UTRN: variants seen among roughly 807,000 people sequenced by gnomAD.
UTRN encodes the protein utrophin, also known as dystrophin-related protein 1.
A neutral mutation model predicts 463.9 loss-of-function variants in UTRN; 283 were observed. The observed-to-expected ratio is 0.61, with a 90% CI of 0.55 to 0.67. The LOEUF (loss-of-function observed/expected upper bound fraction) is 0.67, where lower values mean the gene tolerates loss of function less well. Among genes scored for constraint, UTRN ranks in the 30% least tolerant of loss-of-function variants. The probability of loss-of-function intolerance (pLI) is 0.00; values close to 1 mark genes in which losing one functional copy is unlikely to be tolerated. For missense variants in UTRN, 3,922 were observed against 4,084.3 expected, an observed-to-expected ratio of 0.96 and a Z score of 1.08; for synonymous variants, 1,442 against 1,431.5, an observed-to-expected ratio of 1.01 and a Z score of -0.17.
intron 2 of UTRN, among the ~76,000 whole-genome samples, chr6:144,369,602 G>A (rs191766409): frequency 8.3e-4 from 127 of 152,260 alleles, no homozygotes; most frequent in Admixed American, 2.7e-3. Flanking sequence ...GCAACAGAGC[G>A]AGACTCTGTC....
chr6:144,579,445 A>G (rs1340756485), intron 51 of UTRN, among the ~76,000 whole-genome samples: 1 of 152,184 alleles, frequency 6.6e-6, no homozygotes. Flanking sequence ...TTTATACACA[A>G]TGAATAAAGG....
intron 7 of UTRN, among the ~76,000 whole-genome samples, chr6:144,428,138 C>A (rs544467856): frequency 1.3e-5 from 2 of 152,130 alleles, no homozygotes; most frequent in African/African-American, 4.8e-5. Context: ...GTCAAAGCAA[C>A]AATAATGTCC....
At chr6:144,800,450 A>T (rs2128746266) in intron 64 of UTRN, among the ~76,000 whole-genome samples, 1 of 152,330 alleles carries the variant, frequency 6.6e-6, no homozygotes, top group South Asian at 2.1e-4. Context: ...TGTCTCTATG[A>T]TAGAGATGTG....
rs1402497133 is a variant in UTRN at position 144,841,091 on chromosome 6, C to A, written c.10270+259C>A. Among the ~76,000 whole-genome samples, 3 of 152,092 alleles carry A rather than the reference C, an allele frequency of 2.0e-5. No individual in the cohort carries two copies. In the East Asian group the frequency reaches 5.8e-4, roughly 29 times the overall value. On this transcript the variant is annotated intron_variant, in intron 73 of 74. Coordinates refer to ENST00000367545, the MANE Select transcript of UTRN (RefSeq NM_007124.3). ...TGCCTGATGGGTGATAAAATGAAAG[C>A]AAATAAAATAATAAGTCTGGTTTTA...
At chr6:144,764,807 AAG>A (rs1793094370) in intron 58 of UTRN, among the ~76,000 whole-genome samples, 1 of 152,238 alleles carries the variant, frequency 6.6e-6, no homozygotes, top group Admixed American at 6.5e-5. Flanking sequence ...ACATAAAAGA[AAG>A]AGATAAAGTA....
intron 6 of UTRN, among the ~76,000 whole-genome samples, chr6:144,425,394 A>C (rs983648564): frequency 2.6e-5 from 4 of 152,132 alleles, no homozygotes; most frequent in African/African-American, 7.2e-5. Flanking sequence ...TAAATTGACT[A>C]CCCTTTGTTA....
chr6:144,490,885 T>G (rs1220976529), intron 31 of UTRN, 44 bp from the exon 32 acceptor site: 2 of 1,523,354 alleles, frequency 1.3e-6, no homozygotes, highest in Non-Finnish European at 1.8e-6. Flanking sequence ...ATGAGAGAGA[T>G]AATCATCCTG....
chr6:144,587,624 G>A (rs1802594567), intron 51 of UTRN, among the ~76,000 whole-genome samples: 1 of 151,994 alleles, frequency 6.6e-6, no homozygotes, highest in South Asian at 2.1e-4. Flanking sequence ...GTGTATTTTC[G>A]ACCGGTTGAA....
At chr6:144,311,353 C>T (rs1036337723) in intron 2 of UTRN, among the ~76,000 whole-genome samples, 1 of 152,176 alleles carries the variant, frequency 6.6e-6, no homozygotes, top group Non-Finnish European at 1.5e-5. Flanking sequence ...GTGGGACTGG[C>T]AGGTGAGTAG....
intron 50 of UTRN, among the ~76,000 whole-genome samples, chr6:144,569,773 G>A (rs193018014): frequency 6.6e-6 from 1 of 152,212 alleles, no homozygotes; most frequent in South Asian, 2.1e-4. Context: ...TTTTCTGGGT[G>A]AGCCCCATTT....
chr6:144,690,245 A>C (rs1783254917), intron 52 of UTRN, among the ~76,000 whole-genome samples: 1 of 150,912 alleles, frequency 6.6e-6, no homozygotes, highest in Admixed American at 6.6e-5. Flanking sequence ...ATTGGAGGAC[A>C]GTTTGCTGGC....
chr6:144,301,536 C>CTTTTTTT (rs200484231), intron 2 of UTRN, among the ~76,000 whole-genome samples: 31 of 92,760 alleles, frequency 3.3e-4, no homozygotes, highest in Non-Finnish European at 5.8e-4. Flanking sequence ...TTCTTTCTTT[C>CTTTTTTT]TTTTTTTTTT....
chr6:144,827,096 G>A (rs1344535036), intron 66 of UTRN, among the ~76,000 whole-genome samples: 1 of 152,082 alleles, frequency 6.6e-6, no homozygotes, highest in African/African-American at 2.4e-5. Flanking sequence ...GTTTAAAGAT[G>A]TGTTTGCTAT....
Position 144,434,236 on chromosome 6 carries a change from G to A in UTRN, c.856-1699G>A, listed in dbSNP as rs577636594. Among the ~76,000 whole-genome samples the A allele has an allele frequency of 2.3e-4, 34 of 150,610 alleles. No homozygotes were observed. The South Asian group carries it at 6.8e-3, about 30-fold the overall frequency. ...CGCGCACCTGCAATTGCAGGCACTC[G>A]GCAGGCTGAGGCAGGAGAATCAGGC... On this transcript the variant is annotated intron_variant, in intron 9 of 74. Transcript: ENST00000367545.
At position 144,797,980 on chromosome 6, in the gene UTRN, G is replaced by A. The variant is rs1409081319; in HGVS notation, c.9235G>A (p.Val3079Ile). 2.5e-6 allele frequency: 4 copies of A among 1,614,048 alleles called. No individual in the cohort carries two copies. In the Admixed American group the frequency reaches 5.0e-5, roughly 20 times the overall value. Residue 3079 changes from valine to isoleucine, a missense_variant, in exon 64 of 75, where the codon GTC becomes ATC. Physicochemically the swap from Val to Ile is conservative, Grantham distance 29 (BLOSUM62 3). Around this residue, in one of 3 missense-constraint regions of UTRN, gnomAD observed 1,309 missense variants for 1,452.6 expected, o/e 0.90. Transcript: ENST00000367545. ...KCNICKECPI[V>I]GFRYRSLKHF... is the part of the protein sequence containing the mutation. ...CAACATCTGTAAAGAATGTCCAATTGTCGGGTTCAGGTAAGGCGTGCCAGT... is the reference window on the plus strand; with the variant it reads ...CAACATCTGTAAAGAATGTCCAATTATCGGGTTCAGGTAAGGCGTGCCAGT...
intron 2 of UTRN, among the ~76,000 whole-genome samples, chr6:144,402,411 T>G (rs1227603229): frequency 6.6e-6 from 1 of 152,226 alleles, no homozygotes; most frequent in Non-Finnish European, 1.5e-5. Context: ...ACTCCTTGTA[T>G]GTAACCAAAT....
intron 41 of UTRN, among the ~76,000 whole-genome samples, chr6:144,528,032 ATTTTTTTTTT>A (rs201546711): frequency 2.7e-5 from 3 of 112,110 alleles, no homozygotes; most frequent in African/African-American, 7.0e-5. Flanking sequence ...AGCTAGTGTG[ATTTTTTTTTT>A]TTTTTTTTTT....
chr6:144,789,806 C>T (rs1311070633), intron 62 of UTRN, among the ~76,000 whole-genome samples: 1 of 151,974 alleles, frequency 6.6e-6, no homozygotes, highest in African/African-American at 2.4e-5. Context: ...ACAGCTGTGA[C>T]AAAATAAAAC....
intron 31 of UTRN, 113 bp downstream of exon 31, chr6:144,490,312 T>C (rs1289040823): frequency 2.8e-6 from 4 of 1,435,182 alleles, no homozygotes; most frequent in Non-Finnish European, 3.7e-6. Flanking sequence ...ATGTAAACCA[T>C]GGGATGGGAG....
Sources: allele counts gnomAD v4.1 joint callset (sites outside exome capture counted in the v4.1 genomes callset), GRCh38; gene constraint gnomAD v4.1.1; regional missense constraint gnomAD v4.1.1; transcripts MANE v1.5; gene names NCBI Gene and HGNC (gene_info 2026-07-23, HGNC 2026-07-21).